The following PTPRD variants were observed in gnomAD, a reference collection of about 807,000 sequenced individuals.
The protein encoded by PTPRD is protein tyrosine phosphatase receptor type D.
In PTPRD, 34 loss-of-function variants were observed where a neutral mutation model predicts 214.5. That is an observed-to-expected ratio of 0.16 (90% confidence interval 0.12 to 0.21). PTPRD has a LOEUF of 0.21. Ranked by LOEUF, PTPRD falls within the 10% of genes least tolerant of loss-of-function variation. The probability of loss-of-function intolerance (pLI) is 1.00; values close to 1 mark genes in which losing one functional copy is unlikely to be tolerated. For missense variants in PTPRD, 2,545 were observed against 2,398.7 expected, an observed-to-expected ratio of 1.06 and a Z score of -1.27; for synonymous variants, 1,128 against 845.7, an observed-to-expected ratio of 1.33 and a Z score of -5.79.
intron 3 of PTPRD, among the ~76,000 whole-genome samples, chr9:10,173,545 T>C (rs2099225499): frequency 6.6e-6 from 1 of 152,148 alleles, no homozygotes; most frequent in East Asian, 1.9e-4. Context: ...GATTGACCAA[T>C]GTTGTTATTT....
At chr9:10,069,276 T>C (rs2097946039) in intron 3 of PTPRD, among the ~76,000 whole-genome samples, 1 of 151,932 alleles carries the variant, frequency 6.6e-6, no homozygotes. Context: ...ACAAGGTCAA[T>C]GAGTCTCATT....
chr9:8,520,983 G>A (rs1407140751), intron 20 of PTPRD, among the ~76,000 whole-genome samples: 1 of 151,794 alleles, frequency 6.6e-6, no homozygotes, highest in Non-Finnish European at 1.5e-5. Context: ...CCACCATAAT[G>A]GTCGACCATG....
chr9:10,521,741 A>G (rs1041127254), intron 2 of PTPRD, among the ~76,000 whole-genome samples: 3 of 152,178 alleles, frequency 2.0e-5, no homozygotes, highest in African/African-American at 7.2e-5. Context: ...AGAAATTATG[A>G]CCGACTGATG....
chr9:8,767,566 C>T lies in PTPRD; in HGVS notation c.-103-33620G>A, dbSNP rs1295867083. ...ATCTGAGTGACTATCAGTGAGGGTG[C>T]ACCATACGTTGAGTCATAATAGATG... On this transcript the variant is annotated intron_variant, in intron 11 of 45. Transcript: ENST00000381196. Among the ~76,000 whole-genome samples, 6 of 152,120 alleles carry T rather than the reference C, an allele frequency of 3.9e-5. No homozygotes were observed. In the East Asian group the frequency reaches 7.7e-4, roughly 20 times the overall value.
At chr9:10,008,782 CA>C (rs1418258733) in intron 4 of PTPRD, among the ~76,000 whole-genome samples, 2 of 151,906 alleles carry the variant, frequency 1.3e-5, no homozygotes, top group African/African-American at 4.8e-5. Context: ...CTTCAATTGA[CA>C]AGGGTTAATT....
At chr9:10,342,031 A>C (rs1597527738) in intron 2 of PTPRD, among the ~76,000 whole-genome samples, 1 of 152,078 alleles carries the variant, frequency 6.6e-6, no homozygotes, top group South Asian at 2.1e-4. Context: ...GGATCAATAA[A>C]TTGTGGTTCT....
At chr9:10,277,995 C>T (rs10959008) in intron 3 of PTPRD, among the ~76,000 whole-genome samples, 26,908 of 151,762 alleles carry the variant, frequency 0.18, 2,467 homozygotes, top group Non-Finnish European at 0.2. Context: ...CCTGTCTCTA[C>T]TAAAAATACA....
chr9:9,701,254 T>A (rs9657637), intron 7 of PTPRD, among the ~76,000 whole-genome samples: 3 of 151,914 alleles, frequency 2.0e-5, no homozygotes, highest in Non-Finnish European at 2.9e-5. Flanking sequence ...AAGAATGTTT[T>A]AAACATGATG....
chr9:9,931,046 C>T (rs1016395927), intron 5 of PTPRD, among the ~76,000 whole-genome samples: 5 of 151,664 alleles, frequency 3.3e-5, no homozygotes, highest in African/African-American at 1.2e-4. Flanking sequence ...GATTTTAATC[C>T]CTCTAGAAAA....
chr9:10,145,972 A>T (rs970782211), intron 3 of PTPRD, among the ~76,000 whole-genome samples: 1 of 152,016 alleles, frequency 6.6e-6, no homozygotes, highest in African/African-American at 2.4e-5. Context: ...AGATAAATTG[A>T]TATGTTCTAA....
chr9:8,748,065 T>C (rs2093038613), intron 11 of PTPRD, among the ~76,000 whole-genome samples: 1 of 152,100 alleles, frequency 6.6e-6, no homozygotes, highest in Admixed American at 6.6e-5. Context: ...GTTAACGACA[T>C]TGAAGGCACC....
chr9:9,547,926 A>G (rs1462728562), intron 8 of PTPRD, among the ~76,000 whole-genome samples: 1 of 152,076 alleles, frequency 6.6e-6, no homozygotes, highest in Non-Finnish European at 1.5e-5. Context: ...ATTATATCAA[A>G]GAGAACAATG....
chr9:8,345,113 T>C (rs1050458902), intron 39 of PTPRD, among the ~76,000 whole-genome samples: 2 of 152,050 alleles, frequency 1.3e-5, no homozygotes, highest in Non-Finnish European at 2.9e-5. Flanking sequence ...CTGCCTTCTT[T>C]CCAATAAATG....
At chr9:10,418,010 C>G (rs771170500) in intron 2 of PTPRD, among the ~76,000 whole-genome samples, 3 of 149,464 alleles carry the variant, frequency 2.0e-5, no homozygotes, top group African/African-American at 7.4e-5. Flanking sequence ...TCTCCTAAAG[C>G]AGAAAAAAAG....
chr9:10,461,307 A>T (rs187436327), intron 2 of PTPRD, among the ~76,000 whole-genome samples: 1 of 151,930 alleles, frequency 6.6e-6, no homozygotes, highest in South Asian at 2.1e-4. Flanking sequence ...TATGGGAAAC[A>T]GTGTCAGATT....
chr9:9,881,742 C>G (rs927298542), intron 5 of PTPRD, among the ~76,000 whole-genome samples: 1 of 152,148 alleles, frequency 6.6e-6, no homozygotes, highest in African/African-American at 2.4e-5. Flanking sequence ...TTCCAGGGTT[C>G]TGCAGCTGGA....
At chr9:9,533,531 T>A (rs891906246) in intron 8 of PTPRD, among the ~76,000 whole-genome samples, 1 of 152,108 alleles carries the variant, frequency 6.6e-6, no homozygotes, top group Admixed American at 6.6e-5. Flanking sequence ...TTTTCTGTAA[T>A]TTTTCTATTT....
chr9:8,470,567 A>T (rs1371130992), intron 31 of PTPRD, among the ~76,000 whole-genome samples: 1 of 152,178 alleles, frequency 6.6e-6, no homozygotes, highest in Non-Finnish European at 1.5e-5. Flanking sequence ...GGTTAAGACC[A>T]TATCGTAGGT....
intron 9 of PTPRD, 73 bp from the exon 10 acceptor site, chr9:9,183,436 C>T (rs1250628488): frequency 1.3e-5 from 2 of 151,902 alleles, no homozygotes; most frequent in Non-Finnish European, 2.9e-5. Flanking sequence ...AAGATAAATG[C>T]TGTCACCCCA....
Sources: gnomAD v4.1 joint callset for allele counts (sites outside exome capture counted in the v4.1 genomes callset) on GRCh38, gnomAD v4.1.1 for gene constraint, MANE v1.5 for transcripts, NCBI Gene and HGNC (gene_info 2026-07-23, HGNC 2026-07-21) for gene names.